The following LRRFIP1 variants were observed in gnomAD, a reference collection of about 807,000 sequenced individuals.
LRRFIP1 encodes the protein leucine-rich repeat flightless-interacting protein 1.
Under a neutral mutation model 104.4 loss-of-function variants are expected in LRRFIP1, and 62 were observed. That is an observed-to-expected ratio of 0.59 (90% CI 0.48 to 0.73). The LOEUF is 0.73. Among genes scored for constraint, LRRFIP1 ranks in the 30% least tolerant of loss-of-function variants. The probability of loss-of-function intolerance (pLI) is 0.00; values close to 1 mark genes in which losing one functional copy is unlikely to be tolerated. For synonymous variants in LRRFIP1, 300 were observed against 299.0 expected, an observed-to-expected ratio of 1.00 and a Z score of -0.03; for missense variants, 796 against 824.5, an observed-to-expected ratio of 0.97 and a Z score of 0.42.
chr2:237,678,191 G>C (rs1010221379), intron 1 of LRRFIP1, among the ~76,000 whole-genome samples: 1 of 151,998 alleles, frequency 6.6e-6, no homozygotes, highest in Non-Finnish European at 1.5e-5. Flanking sequence ...GGAAATCACC[G>C]GGTGCCTTAA....
intron 1 of LRRFIP1, among the ~76,000 whole-genome samples, chr2:237,690,678 G>C (rs1398899614): frequency 1.3e-5 from 2 of 151,312 alleles, no homozygotes; most frequent in African/African-American, 4.9e-5. Flanking sequence ...CAGAGGTCGC[G>C]GTGAGCCGAG....
intron 1 of LRRFIP1, among the ~76,000 whole-genome samples, chr2:237,690,036 G>C (rs2092660395): frequency 6.6e-6 from 1 of 152,180 alleles, no homozygotes; most frequent in Non-Finnish European, 1.5e-5. Flanking sequence ...GAACGAGGTG[G>C]CTTAATTCCA....
In LRRFIP1 at chr2:237,735,476, A is replaced by G. The variant is rs934010065; in HGVS notation, c.555+143A>G. 14 of 676,588 alleles carry G rather than the reference A, an allele frequency of 2.1e-5. No individual in the cohort carries two copies. The highest frequency in any genetic ancestry group is 3.9e-4 in the Middle Eastern group (1 of 2,536). The allele number at this position is 676,588 out of a possible 1,614,324, so 41.9% of individuals were successfully genotyped here. ...GTCACCGGGCTAACCGCCACCTTCC[A>G]TTGTAATGAAGGTCACAAATAATGT... is the stretch of plus-strand genomic sequence containing the variant. On this transcript the variant is annotated intron_variant, in intron 10 of 23. Coordinates refer to ENST00000308482, the MANE Select transcript of LRRFIP1 (RefSeq NM_001137550.2). This position sits in a 1 kb window ranked among gnomAD's most constrained non-coding sequence, Gnocchi z 4.6.
In LRRFIP1 at chr2:237,691,298, G is replaced by T. The variant is rs112443389; in HGVS notation, c.97-17246G>T. On this transcript the variant is annotated intron_variant, in intron 1 of 23. Transcript: ENST00000308482. This position sits in a 1 kb window ranked among gnomAD's most constrained non-coding sequence, Gnocchi z 5.4. ...GTTTCCCGCAGGACTTTCATTGGGA[G>T]TTACGAGGGCGCCCTGTGCCTGGAG... Among the ~76,000 whole-genome samples, 33 of 152,362 alleles carry T rather than the reference G, an allele frequency of 2.2e-4. 2 individuals carry two copies. Among genetic ancestry groups the T allele is most frequent in the African/African-American group, 7.7e-4 (32 of 41,580 alleles).
intron 1 of LRRFIP1, among the ~76,000 whole-genome samples, chr2:237,690,576 A>C (rs2092688028): frequency 6.6e-6 from 1 of 151,976 alleles, no homozygotes; most frequent in South Asian, 2.1e-4. Flanking sequence ...GACTCTACTA[A>C]AAATACAAAA....
At chr2:237,718,528 G>T (rs1177674448) in intron 4 of LRRFIP1, among the ~76,000 whole-genome samples, 1 of 152,188 alleles carries the variant, frequency 6.6e-6, no homozygotes, top group Non-Finnish European at 1.5e-5. Context: ...CACAATCTGT[G>T]TGCTTTCCAC....
intron 19 of LRRFIP1, chr2:237,763,925 A>C (rs567397963): frequency 1.7e-5 from 27 of 1,614,262 alleles, no homozygotes; most frequent in Non-Finnish European, 2.1e-5. Flanking sequence ...CTCACAGGAC[A>C]TTAGTGATGC....
At chr2:237,755,501 G>C (rs908162051) in intron 15 of LRRFIP1, among the ~76,000 whole-genome samples, 14 of 152,216 alleles carry the variant, frequency 9.2e-5, no homozygotes, top group Admixed American at 3.9e-4. Flanking sequence ...TCCCTGGGGG[G>C]GCCCTTCGTC....
intron 1 of LRRFIP1, among the ~76,000 whole-genome samples, chr2:237,664,609 A>T (rs1251732166): frequency 1.3e-5 from 2 of 152,162 alleles, no homozygotes; most frequent in African/African-American, 4.8e-5. Context: ...TTTTGCTGCC[A>T]CCTTTGAACT....
intron 8 of LRRFIP1, among the ~76,000 whole-genome samples, chr2:237,733,525 T>C (rs2095106858): frequency 6.6e-6 from 1 of 152,238 alleles, no homozygotes; most frequent in Admixed American, 6.5e-5. Flanking sequence ...GAAATGATCG[T>C]GTTTTAAAGA....
At chr2:237,775,588 T>G (rs914511029) in intron 23 of LRRFIP1, among the ~76,000 whole-genome samples, 4 of 152,300 alleles carry the variant, frequency 2.6e-5, no homozygotes, top group Admixed American at 2.6e-4. Flanking sequence ...TCCCAGCACT[T>G]TGGGAGGCCA....
chr2:237,648,535 C>G (rs1239140537), intron 1 of LRRFIP1, among the ~76,000 whole-genome samples: 5 of 151,212 alleles, frequency 3.3e-5, no homozygotes, highest in Non-Finnish European at 7.4e-5. Flanking sequence ...TGAGACCAGC[C>G]TGGTCAACGT....
intron 1 of LRRFIP1, among the ~76,000 whole-genome samples, chr2:237,700,701 T>C (rs1399992162): frequency 6.6e-6 from 1 of 152,186 alleles, no homozygotes. Flanking sequence ...ATTGGCCCAC[T>C]GGGTGTCCCT....
chr2:237,698,710 CT>C (rs2093340536), intron 1 of LRRFIP1, among the ~76,000 whole-genome samples: 1 of 152,228 alleles, frequency 6.6e-6, no homozygotes, highest in Non-Finnish European at 1.5e-5. Context: ...TGATCTCTAA[CT>C]TTATGCCATC....
chr2:237,698,885 G>C (rs370275349), intron 1 of LRRFIP1, among the ~76,000 whole-genome samples: 6 of 152,142 alleles, frequency 3.9e-5, no homozygotes, highest in South Asian at 2.1e-4. Flanking sequence ...TTCCTTACTA[G>C]CCTGAAATGA....
At position 237,703,072 on chromosome 2, in the gene LRRFIP1, C is replaced by T. The variant is rs2149930610; in HGVS notation, c.97-5472C>T. Among the ~76,000 whole-genome samples the T allele has an allele frequency of 6.6e-6, 1 of 152,274 alleles. No individual in the cohort carries two copies. The highest frequency in any genetic ancestry group is 3.4e-3 in the Middle Eastern group (1 of 294). On this transcript the variant is annotated intron_variant, in intron 1 of 23. Transcript: ENST00000308482. This position sits in a 1 kb window ranked among gnomAD's most constrained non-coding sequence, Gnocchi z 4.3. ...TTGGCTCCTGTAGGGTGGGGACAGA[C>T]CAGCCCCCATGAACCCTAGCGAGGG...
intron 1 of LRRFIP1, among the ~76,000 whole-genome samples, chr2:237,646,618 T>G (rs2084951150): frequency 6.6e-6 from 1 of 151,764 alleles, no homozygotes; most frequent in South Asian, 2.1e-4. Context: ...AGAAAGTAAT[T>G]AAGGTTAAAT....
At chr2:237,681,841 G>A (rs184823726) in intron 1 of LRRFIP1, among the ~76,000 whole-genome samples, 3 of 147,596 alleles carry the variant, frequency 2.0e-5, no homozygotes, top group Admixed American at 6.7e-5. Context: ...CACTACGCCC[G>A]GCTAATTTTT....
At chr2:237,741,555 C>T (rs1197265660) in intron 11 of LRRFIP1, among the ~76,000 whole-genome samples, 2 of 152,182 alleles carry the variant, frequency 1.3e-5, no homozygotes, top group East Asian at 1.9e-4. Flanking sequence ...TTGCCAGGCG[C>T]GGTGGCTCAC....
Sources: allele counts gnomAD v4.1 joint callset (sites outside exome capture counted in the v4.1 genomes callset), GRCh38; gene constraint gnomAD v4.1.1; non-coding constraint Gnocchi (gnomAD v3.1); transcripts MANE v1.5; gene names NCBI Gene and HGNC (gene_info 2026-07-23, HGNC 2026-07-21).